The following MCF2L variants were observed in gnomAD, a reference collection of about 807,000 sequenced individuals.
The protein encoded by MCF2L is MCF.2 cell line derived transforming sequence like, also known as guanine nucleotide exchange factor DBS.
A neutral mutation model predicts 153.4 loss-of-function variants in MCF2L; 97 were observed. The ratio of observed to expected loss-of-function variants is 0.63; its 90% CI spans 0.54 to 0.75. MCF2L has a LOEUF of 0.75. Ranked by LOEUF, MCF2L falls within the 30% of genes least tolerant of loss-of-function variation. The pLI is 0.00. For synonymous variants in MCF2L, 659 were observed against 632.2 expected (o/e 1.04, Z -0.64); for missense variants, 1,347 against 1,495.2 (o/e 0.90, Z 1.64).
In MCF2L at chr13:112,904,705, CTCG is replaced by C. The variant is rs2081154555; in HGVS notation, c.169+2337_169+2339del. Among the ~76,000 whole-genome samples, 1 of 152,224 alleles carries C rather than the reference CTCG, an allele frequency of 6.6e-6. No homozygotes were observed. The highest frequency in any genetic ancestry group is 2.1e-4 in the South Asian group (1 of 4,836). ...GTGAAGCCCTTCTGGCTGTCCTTGC[CTCG>C]TCTGCTCTGTGGAAAGAGAAGCGCA... On this transcript the variant is annotated intron_variant, in intron 2 of 29. Transcript: ENST00000375608. The surrounding 1 kb of genome is among the most constrained non-coding windows in gnomAD (Gnocchi z 4.2).
At chr13:112,976,523 C>T (rs995411843) in intron 1 of MCF2L, among the ~76,000 whole-genome samples, 1 of 152,208 alleles carries the variant, frequency 6.6e-6, no homozygotes, top group Admixed American at 6.5e-5. Context: ...GCTCTGGGCT[C>T]GGCCTTCAGG....
intron 27 of MCF2L, chr13:113,095,919 C>A: frequency 1.8e-6 from 1 of 562,252 alleles, no homozygotes; most frequent in Non-Finnish European, 2.4e-6. Flanking sequence ...TCCACTCTTA[C>A]AGTGAGGAGA....
chr13:112,910,189 C>T (rs1019036822), intron 2 of MCF2L: 1 of 152,254 alleles, frequency 6.6e-6, no homozygotes, highest in African/African-American at 2.4e-5. Flanking sequence ...GTCTCTTTCT[C>T]TTTCCATTTT....
intron 17 of MCF2L, 40 bp from the exon 18 acceptor site, chr13:113,083,958 G>A (rs762357585): frequency 1.6e-5 from 24 of 1,455,298 alleles, no homozygotes; most frequent in South Asian, 3.4e-5. Flanking sequence ...CACGTGACTC[G>A]GCCTGTCTTT....
rs187716517 is a variant in MCF2L, at chr13:112,955,883, C to T, written c.169+53512C>T. On this transcript the variant is annotated intron_variant, in intron 2 of 29. Transcript: ENST00000375608. ...GAGAATAAACGTCAGCTCAGGTTGCCATCATTTAGACGTTGCATTTAGTCC... is the reference window on the plus strand; with the variant it reads ...GAGAATAAACGTCAGCTCAGGTTGCTATCATTTAGACGTTGCATTTAGTCC... 1.4e-3 allele frequency among the ~76,000 whole-genome samples: 206 copies of T among 152,266 alleles called. 1 individual carries two copies. The highest frequency in any genetic ancestry group is 4.8e-3 in the African/African-American group (200 of 41,556).
At chr13:113,083,570 C>T (rs1160158953) in intron 17 of MCF2L, among the ~76,000 whole-genome samples, 1 of 152,228 alleles carries the variant, frequency 6.6e-6, no homozygotes, top group African/African-American at 2.4e-5. Flanking sequence ...GGGACAGATG[C>T]AACAGAAAAC....
At chr13:112,962,279 G>A (rs897572515) in intron 2 of MCF2L, among the ~76,000 whole-genome samples, 6 of 151,848 alleles carry the variant, frequency 4.0e-5, no homozygotes, top group South Asian at 2.1e-4. Flanking sequence ...AGGCACAGAT[G>A]CTCACACACG....
At chr13:113,044,561 G>A in intron 3 of MCF2L, 1 of 1,490,250 alleles carries the variant, frequency 6.7e-7, no homozygotes, top group East Asian at 2.5e-5. Flanking sequence ...CTTTGGATTG[G>A]CTGGTGGTAG....
intron 2 of MCF2L, among the ~76,000 whole-genome samples, chr13:113,023,976 T>C (rs1194524268): frequency 6.6e-6 from 1 of 152,218 alleles, no homozygotes; most frequent in Non-Finnish European, 1.5e-5. Context: ...CGCTGAGTCC[T>C]GTGGGCAAAA....
At chr13:112,923,507 A>T (rs1354216168) in intron 2 of MCF2L, among the ~76,000 whole-genome samples, 2 of 151,894 alleles carry the variant, frequency 1.3e-5, no homozygotes, top group African/African-American at 4.8e-5. Flanking sequence ...CTGGTGATCT[A>T]CCTGCCTCGG....
intron 2 of MCF2L, among the ~76,000 whole-genome samples, chr13:112,936,510 A>T (rs1189690301): frequency 6.6e-6 from 1 of 152,134 alleles, no homozygotes; most frequent in Non-Finnish European, 1.5e-5. Context: ...GTTATTTGGG[A>T]AAAGGTGTTT....
intron 1 of MCF2L, among the ~76,000 whole-genome samples, chr13:112,985,979 G>A (rs9549623): frequency 0.22 from 33,576 of 152,166 alleles, 4,124 homozygotes; most frequent in Middle Eastern, 0.28. Flanking sequence ...GCAGGGAGCT[G>A]TGAGCCCCGG....
chr13:113,065,921 G>A, intron 7 of MCF2L, 125 bp from the exon 8 acceptor site: 1 of 1,006,780 alleles, frequency 9.9e-7, no homozygotes, highest in Admixed American at 2.9e-5. Context: ...GAAGACTCGG[G>A]GGTCGGGGAT....
chr13:113,025,254 G>A lies in MCF2L; in HGVS notation c.278+496G>A, dbSNP rs374504817. On this transcript the variant is annotated intron_variant, in intron 3 of 29. Transcript: ENST00000535094. ...GGCAGAGTCCCTGTGAGATTTCCCCGTCATGGGGTCCCCGTGACTGTGGGT... is the reference window on the plus strand; with the variant it reads ...GGCAGAGTCCCTGTGAGATTTCCCCATCATGGGGTCCCCGTGACTGTGGGT... Among the ~76,000 whole-genome samples, 32 of 57,736 alleles carry A rather than the reference G, an allele frequency of 5.5e-4. 4 individuals carry two copies. The highest frequency in any genetic ancestry group is 1.1e-3 in the African/African-American group (15 of 14,052). 37.9% of individuals were successfully genotyped at this position (57,736 alleles called of 152,430 possible).
At chr13:113,029,040 C>T (rs1199880411) in intron 3 of MCF2L, among the ~76,000 whole-genome samples, 1 of 152,062 alleles carries the variant, frequency 6.6e-6, no homozygotes, top group African/African-American at 2.4e-5. Context: ...ACCCACGTTT[C>T]CTTTCTTCCC....
intron 3 of MCF2L, among the ~76,000 whole-genome samples, chr13:113,030,484 G>A (rs1489686045): frequency 4.1e-5 from 6 of 147,302 alleles, no homozygotes; most frequent in East Asian, 2.0e-4. Context: ...TCGGGTGTCC[G>A]CCGACGCCCG....
At chr13:112,999,532 A>G (rs2993291) in intron 1 of MCF2L, among the ~76,000 whole-genome samples, 119,741 of 152,210 alleles carry the variant, frequency 0.79, 47,412 homozygotes, top group African/African-American at 0.89. Context: ...CATCTGCATC[A>G]GCCGCTGTAC....
intron 2 of MCF2L, among the ~76,000 whole-genome samples, chr13:112,961,831 G>T (rs1389321285): frequency 2.0e-5 from 3 of 152,182 alleles, no homozygotes. Flanking sequence ...GGCCTGCTGG[G>T]GTACGGAATC....
At chr13:113,010,160 C>T (rs2083994830) in intron 1 of MCF2L, 1 of 151,312 alleles carries the variant, frequency 6.6e-6, no homozygotes, top group African/African-American at 2.4e-5. Context: ...GCCCACCCGC[C>T]TCCAGTCCCC....
Sources: gnomAD v4.1 joint callset for allele counts (sites outside exome capture counted in the v4.1 genomes callset) on GRCh38, gnomAD v4.1.1 for gene constraint, Gnocchi (gnomAD v3.1) non-coding constraint, MANE v1.5 for transcripts, NCBI Gene and HGNC (gene_info 2026-07-23, HGNC 2026-07-21) for gene names.